The following ENTREP2 variants were observed in gnomAD, a reference collection of about 807,000 sequenced individuals.
ENTREP2 encodes protein ENTREP2.
chr15:29,320,783 A>G, the ENTREP2 span, among the ~76,000 whole-genome samples: 2 of 152,238 alleles, frequency 1.3e-5, no homozygotes, highest in Non-Finnish European at 2.9e-5. Flanking sequence ...AGCTGAGGAA[A>G]GAAACAGTGA....
chr15:29,545,018 T>A, the ENTREP2 span, among the ~76,000 whole-genome samples: 1 of 152,176 alleles, frequency 6.6e-6, no homozygotes, highest in Non-Finnish European at 1.5e-5. Flanking sequence ...CAACTGAGAC[T>A]GCACACTACT....
At chr15:29,286,654 A>C in the ENTREP2 span, among the ~76,000 whole-genome samples, 1 of 152,206 alleles carries the variant, frequency 6.6e-6, no homozygotes, top group Admixed American at 6.5e-5. Context: ...TCCCCACTGT[A>C]GTGCTCTCCT....
chr15:29,253,017 A>G, the ENTREP2 span, among the ~76,000 whole-genome samples: 1 of 152,364 alleles, frequency 6.6e-6, no homozygotes, highest in East Asian at 1.9e-4. Flanking sequence ...AATACCAGGC[A>G]TCATATAATT....
the ENTREP2 span, among the ~76,000 whole-genome samples, chr15:29,593,745 T>G: frequency 6.6e-6 from 1 of 152,198 alleles, no homozygotes; most frequent in Admixed American, 6.5e-5. Context: ...ATCAATATAA[T>G]GTATATAGAA....
At chr15:29,316,070 T>C in the ENTREP2 span, among the ~76,000 whole-genome samples, 1 of 152,140 alleles carries the variant, frequency 6.6e-6, no homozygotes, top group East Asian at 1.9e-4. Flanking sequence ...GGAAAACACT[T>C]TACTGCATAG....
chr15:29,580,262 T>C, the ENTREP2 span, among the ~76,000 whole-genome samples: 1 of 152,088 alleles, frequency 6.6e-6, no homozygotes, highest in African/African-American at 2.4e-5. Context: ...CATCTAAAAG[T>C]CAGGGCAGCA....
the ENTREP2 span, among the ~76,000 whole-genome samples, chr15:29,292,110 C>T: frequency 6.6e-6 from 1 of 152,144 alleles, no homozygotes; most frequent in South Asian, 2.1e-4. Context: ...ATTCTATCTG[C>T]ATAACCCAAA....
the ENTREP2 span, among the ~76,000 whole-genome samples, chr15:29,588,940 T>C: frequency 6.7e-6 from 1 of 148,612 alleles, no homozygotes; most frequent in Non-Finnish European, 1.5e-5. Flanking sequence ...CCATGACCCA[T>C]GATTGTGCCG....
chr15:29,639,235 G>A, the ENTREP2 span, among the ~76,000 whole-genome samples: 32 of 152,212 alleles, frequency 2.1e-4, 1 homozygote, highest in African/African-American at 7.0e-4. Context: ...ATGTTGGGTC[G>A]TGGAGACCAA....
chr15:29,213,827 G>T, the ENTREP2 span, among the ~76,000 whole-genome samples: 1 of 151,970 alleles, frequency 6.6e-6, no homozygotes. Flanking sequence ...AATCTACAAA[G>T]AACTCCAACA....
chr15:29,570,418 G>T, the ENTREP2 span: 1 of 849,244 alleles, frequency 1.2e-6, no homozygotes, highest in Non-Finnish European at 1.5e-6. Context: ...CTTGCCGCCC[G>T]CGGTGGCGTC....
At chr15:29,302,333 A>G in the ENTREP2 span, among the ~76,000 whole-genome samples, 30,953 of 152,112 alleles carry the variant, frequency 0.2, 3,281 homozygotes, top group Non-Finnish European at 0.24. Context: ...TTGGTATTTG[A>G]TACAAAAAAT....
At chr15:29,516,607 TG>T in the ENTREP2 span, among the ~76,000 whole-genome samples, 44 of 150,356 alleles carry the variant, frequency 2.9e-4, no homozygotes, top group Non-Finnish European at 6.2e-4. Flanking sequence ...AAGGAGGGGA[TG>T]GGGGGGTGCA....
the ENTREP2 span, among the ~76,000 whole-genome samples, chr15:29,272,015 A>AC: frequency 6.6e-6 from 1 of 151,986 alleles, no homozygotes; most frequent in Admixed American, 6.6e-5. Flanking sequence ...CAGTCAGACT[A>AC]CCCCTGTCAC....
chr15:29,164,774 G>A, the ENTREP2 span, among the ~76,000 whole-genome samples: 17 of 152,268 alleles, frequency 1.1e-4, no homozygotes, highest in African/African-American at 4.1e-4. Flanking sequence ...AAGTCATCAA[G>A]ACAGAAAGTC....
chr15:29,285,768 G>A, the ENTREP2 span, among the ~76,000 whole-genome samples: 1 of 152,048 alleles, frequency 6.6e-6, no homozygotes, highest in African/African-American at 2.4e-5. Flanking sequence ...AAATGAAGAT[G>A]AAAGACCAAT....
chr15:29,252,345 A>G, the ENTREP2 span: 10 of 1,402,176 alleles, frequency 7.1e-6, no homozygotes, highest in Admixed American at 2.0e-5. Context: ...CCTTTATGAA[A>G]GGGTTTGCAT....
chr15:29,372,722 A>C, the ENTREP2 span, among the ~76,000 whole-genome samples: 1 of 152,198 alleles, frequency 6.6e-6, no homozygotes, highest in Non-Finnish European at 1.5e-5. Context: ...AAGTCATTTG[A>C]CTTATTATAA....
the ENTREP2 span, chr15:29,233,918 T>G: frequency 1.1e-4 from 167 of 1,571,582 alleles, no homozygotes; most frequent in Middle Eastern, 3.3e-4. Flanking sequence ...CTGAAGAAAC[T>G]GTTCAGCTGG....
Sources: allele counts gnomAD v4.1 joint callset (sites outside exome capture counted in the v4.1 genomes callset), GRCh38; gene constraint gnomAD v4.1.1; transcripts MANE v1.5; gene names NCBI Gene and HGNC (gene_info 2026-07-23, HGNC 2026-07-21).